The following ADAMTS12 variants were observed in gnomAD, a reference collection of about 807,000 sequenced individuals.
ADAMTS12 encodes A disintegrin and metalloproteinase with thrombospondin motifs 12.
In ADAMTS12, 118 loss-of-function variants were observed where a neutral mutation model predicts 167.8. The observed-to-expected ratio is 0.70, with a 90% CI of 0.61 to 0.82. The LOEUF (loss-of-function observed/expected upper bound fraction) is 0.82. Among genes scored for constraint, ADAMTS12 ranks in the 40% least tolerant of loss-of-function variants. The pLI, the probability that ADAMTS12 is intolerant of heterozygous loss-of-function variation, is 0.00. For synonymous variants in ADAMTS12, 704 were observed against 716.9 expected, an observed-to-expected ratio of 0.98 and a Z score of 0.29; for missense variants, 1,916 against 1,998.8, an observed-to-expected ratio of 0.96 and a Z score of 0.79.
chr5:33,612,736 C>T (rs1469970726), intron 16 of ADAMTS12, among the ~76,000 whole-genome samples: 1 of 152,110 alleles, frequency 6.6e-6, no homozygotes, highest in African/African-American at 2.4e-5. Flanking sequence ...GCCCAGTCCC[C>T]GACCCTGAGC....
intron 1 of ADAMTS12, among the ~76,000 whole-genome samples, chr5:33,887,548 T>C (rs1263687080): frequency 1.3e-5 from 2 of 152,226 alleles, no homozygotes; most frequent in African/African-American, 4.8e-5. Flanking sequence ...CCAAATACTT[T>C]GATTTGCCTT....
At chr5:33,844,913 T>C (rs748712303) in intron 2 of ADAMTS12, among the ~76,000 whole-genome samples, 3 of 152,100 alleles carry the variant, frequency 2.0e-5, no homozygotes, top group African/African-American at 4.8e-5. Context: ...TTATGGAAAA[T>C]AGAAAAGAAC....
chr5:33,674,336 C>T (rs6895282), intron 5 of ADAMTS12, among the ~76,000 whole-genome samples: 143,067 of 152,230 alleles, frequency 0.94, 67,880 homozygotes, highest in Non-Finnish European at 1. Context: ...AATTCCAGTG[C>T]CTGTAATAGG....
intron 2 of ADAMTS12, among the ~76,000 whole-genome samples, chr5:33,757,033 T>A (rs1745194414): frequency 6.6e-6 from 1 of 152,230 alleles, no homozygotes; most frequent in African/African-American, 2.4e-5. Context: ...TGGCAGTTAG[T>A]GGCTCCAATA....
chr5:33,712,482 G>A (rs1414712067), intron 3 of ADAMTS12, among the ~76,000 whole-genome samples: 1 of 152,114 alleles, frequency 6.6e-6, no homozygotes, highest in Non-Finnish European at 1.5e-5. Flanking sequence ...CCTCATCTTT[G>A]CAGCAGATTT....
chr5:33,618,939 A>G (rs1234374736), intron 14 of ADAMTS12, among the ~76,000 whole-genome samples: 2 of 152,120 alleles, frequency 1.3e-5, no homozygotes, highest in African/African-American at 4.8e-5. Flanking sequence ...GTTCTCTTCC[A>G]TAATGTTGAC....
intron 2 of ADAMTS12, among the ~76,000 whole-genome samples, chr5:33,812,525 T>C (rs1747500404): frequency 6.6e-6 from 1 of 152,232 alleles, no homozygotes; most frequent in Admixed American, 6.5e-5. Flanking sequence ...CACCTCTTGG[T>C]CATCACCTAT....
chr5:33,558,956 A>G (rs73078370), intron 20 of ADAMTS12, among the ~76,000 whole-genome samples: 10,068 of 152,248 alleles, frequency 0.066, 1,096 homozygotes, highest in African/African-American at 0.23. Flanking sequence ...TAATTTTCTC[A>G]AGGAGTAGCC....
chr5:33,527,123 A>G lies in ADAMTS12; in HGVS notation c.*65T>C. 1 of 1,578,064 alleles carries G rather than the reference A, an allele frequency of 6.3e-7. No individual in the cohort carries two copies. The highest frequency in any genetic ancestry group is 8.7e-7 in the Non-Finnish European group (1 of 1,155,802). On this transcript the variant is annotated 3_prime_UTR_variant, in exon 24 of 24. Transcript: ENST00000504830. ...GCAAAACCTCAACGAAGCAGCTCCC[A>G]GGGCTAAAGCATGTCATGGTCAGCA... is the stretch of plus-strand genomic sequence containing the variant.
intron 14 of ADAMTS12, among the ~76,000 whole-genome samples, chr5:33,623,719 G>A (rs745350984): frequency 3.9e-5 from 6 of 152,204 alleles, no homozygotes; most frequent in Non-Finnish European, 8.8e-5. Context: ...GAGATTTGAT[G>A]CAACCCTGCC....
At chr5:33,623,878 G>T (rs1739450490) in intron 14 of ADAMTS12, among the ~76,000 whole-genome samples, 1 of 152,112 alleles carries the variant, frequency 6.6e-6, no homozygotes, top group South Asian at 2.1e-4. Context: ...CTAGTTCTTG[G>T]TCTGTTCCAA....
At chr5:33,700,849 AC>A (rs1254699958) in intron 3 of ADAMTS12, among the ~76,000 whole-genome samples, 1 of 150,954 alleles carries the variant, frequency 6.6e-6, no homozygotes, top group Admixed American at 6.6e-5. Context: ...ATGTGAATAT[AC>A]AATTATCTCA....
intron 3 of ADAMTS12, among the ~76,000 whole-genome samples, chr5:33,685,701 G>A (rs1446944530): frequency 2.0e-5 from 3 of 152,198 alleles, no homozygotes; most frequent in Non-Finnish European, 4.4e-5. Context: ...TTGGAGGGAA[G>A]TCCTGTGAAG....
chr5:33,841,205 G>A (rs928638436), intron 2 of ADAMTS12, among the ~76,000 whole-genome samples: 1 of 152,150 alleles, frequency 6.6e-6, no homozygotes, highest in African/African-American at 2.4e-5. Context: ...GGTGACTCCA[G>A]GCCCTGCTGC....
chr5:33,860,766 G>A (rs1171861587), intron 2 of ADAMTS12, among the ~76,000 whole-genome samples: 1 of 152,032 alleles, frequency 6.6e-6, no homozygotes, highest in Non-Finnish European at 1.5e-5. Context: ...CCTTAATAAA[G>A]TTAAGTGCAG....
rs1711941794 is a variant in ADAMTS12 at position 33,781,242 on chromosome 5, T to C, written c.490-29694A>G. Reference sequence around the variant, plus strand: ...TCTGTGCATGTGTATAATACAGATATGTGCATGTGTGTGTGTGTATATATA... The same window carrying C: ...TCTGTGCATGTGTATAATACAGATACGTGCATGTGTGTGTGTGTATATATA... On this transcript the variant is annotated intron_variant, in intron 2 of 23. Transcript: ENST00000504830. Among the ~76,000 whole-genome samples the C allele has an allele frequency of 2.0e-5, 3 of 151,150 alleles. No individual in the cohort carries two copies. In the South Asian group the frequency reaches 6.2e-4, roughly 31 times the overall value.
Position 33,658,168 on chromosome 5 carries a change from A to G in ADAMTS12, c.1190+16T>C. 6.2e-7 allele frequency: 1 copy of G among 1,612,624 alleles called. No homozygotes were observed. ...ATGAATATGGTGAGCAAACCTCCCTATCATTGGCCCTTTACCTGTGTCCTA... is the reference window on the plus strand; with the variant it reads ...ATGAATATGGTGAGCAAACCTCCCTGTCATTGGCCCTTTACCTGTGTCCTA... On this transcript the variant is annotated intron_variant, in intron 7 of 23. Transcript: ENST00000504830.
At chr5:33,798,434 C>CTTTTTTTTTTTTTTTTTTT (rs3037113) in intron 2 of ADAMTS12, among the ~76,000 whole-genome samples, 1 of 69,248 alleles carries the variant, frequency 1.4e-5, no homozygotes, top group African/African-American at 6.1e-5. Flanking sequence ...TTCTTTGTAT[C>CTTTTTTTTTTTTTTTTTTT]TTTTTTTTTT....
intron 2 of ADAMTS12, among the ~76,000 whole-genome samples, chr5:33,817,289 T>C (rs1158315088): frequency 1.3e-5 from 2 of 152,164 alleles, no homozygotes; most frequent in Non-Finnish European, 2.9e-5. Context: ...TGCACTAGAA[T>C]TAGAAGAATC....
Sources: gnomAD v4.1 joint callset for allele counts (sites outside exome capture counted in the v4.1 genomes callset) on GRCh38, gnomAD v4.1.1 for gene constraint, MANE v1.5 for transcripts, NCBI Gene and HGNC (gene_info 2026-07-23, HGNC 2026-07-21) for gene names.